ZNF469: variants seen among roughly 807,000 people sequenced by gnomAD.
The protein encoded by ZNF469 is zinc finger protein 469.
A neutral mutation model predicts 1.0 loss-of-function variants in ZNF469; 1 was observed. The ratio of observed to expected loss-of-function variants is 1.00; its 90% CI spans 0.35 to 4.73. The LOEUF (loss-of-function observed/expected upper bound fraction) is 4.73, where lower values mean the gene tolerates loss of function less well. Ranked by LOEUF, ZNF469 falls within the 30% of genes most tolerant of loss-of-function variation. The pLI, the probability that ZNF469 is intolerant of heterozygous loss-of-function variation, is 0.16. For synonymous variants in ZNF469, 2,703 were observed against 2,363.4 expected (o/e 1.14, Z -4.17); for missense variants, 6,100 against 5,356.3 (o/e 1.14, Z -4.33).
chr16:88,245,188 G>A, the ZNF469 span, among the ~76,000 whole-genome samples: 1 of 152,216 alleles, frequency 6.6e-6, no homozygotes, highest in South Asian at 2.1e-4. Flanking sequence ...TGATGAAGAT[G>A]TCTCAGCAGA....
chr16:88,188,766 C>T, the ZNF469 span, among the ~76,000 whole-genome samples: 2 of 152,188 alleles, frequency 1.3e-5, no homozygotes, highest in African/African-American at 4.8e-5. Flanking sequence ...GCAGACCCTC[C>T]CCCTGCCCAG....
the ZNF469 span, among the ~76,000 whole-genome samples, chr16:88,354,381 C>A: frequency 6.6e-6 from 1 of 152,144 alleles, no homozygotes; most frequent in African/African-American, 2.4e-5. Context: ...CTCTGGAACC[C>A]GGGACGCAGG....
At chr16:88,127,251 C>G in the ZNF469 span, among the ~76,000 whole-genome samples, 1 of 152,108 alleles carries the variant, frequency 6.6e-6, no homozygotes, top group East Asian at 1.9e-4. Context: ...CCTCATAACA[C>G]AGATGGGAAA....
At chr16:88,107,072 G>A in the ZNF469 span, among the ~76,000 whole-genome samples, 18,585 of 152,176 alleles carry the variant, frequency 0.12, 1,386 homozygotes, top group East Asian at 0.31. Context: ...GGGGGTCTGC[G>A]TGCCTCGGCT....
the ZNF469 span, among the ~76,000 whole-genome samples, chr16:88,103,060 G>A: frequency 1.3e-5 from 2 of 152,272 alleles, no homozygotes; most frequent in Non-Finnish European, 2.9e-5. Flanking sequence ...TTAACACCAA[G>A]AATGGGGCCG....
the ZNF469 span, among the ~76,000 whole-genome samples, chr16:88,205,566 G>T: frequency 1.3e-5 from 2 of 152,230 alleles, no homozygotes; most frequent in African/African-American, 4.8e-5. The surrounding 1 kb of genome is among the most constrained non-coding windows in gnomAD (Gnocchi z 4.2). Context: ...GGAATGAACA[G>T]TTTCGGGGTG....
At chr16:88,261,992 C>G in the ZNF469 span, among the ~76,000 whole-genome samples, 2 of 152,174 alleles carry the variant, frequency 1.3e-5, no homozygotes, top group Admixed American at 6.5e-5. This position sits in a 1 kb window ranked among gnomAD's most constrained non-coding sequence, Gnocchi z 6.0. Context: ...GCCTCCTCTC[C>G]CTCCCACCAT....
chr16:88,138,509 A>G, the ZNF469 span, among the ~76,000 whole-genome samples: 1 of 152,262 alleles, frequency 6.6e-6, no homozygotes, highest in Non-Finnish European at 1.5e-5. Flanking sequence ...TGAATAGTAG[A>G]AAAGTCATCT....
the ZNF469 span, among the ~76,000 whole-genome samples, chr16:88,169,107 G>A: frequency 6.6e-6 from 1 of 152,126 alleles, no homozygotes; most frequent in Non-Finnish European, 1.5e-5. This position sits in a 1 kb window ranked among gnomAD's most constrained non-coding sequence, Gnocchi z 6.1. Context: ...GTGCAGCTGT[G>A]GGTGGGAGGG....
the ZNF469 span, among the ~76,000 whole-genome samples, chr16:88,279,947 G>A: frequency 6.6e-6 from 1 of 150,818 alleles, no homozygotes; most frequent in African/African-American, 2.4e-5. Flanking sequence ...TGCACGGTTA[G>A]TGCTGCGCCA....
chr16:88,229,520 G>C, the ZNF469 span, among the ~76,000 whole-genome samples: 11 of 144,566 alleles, frequency 7.6e-5, no homozygotes, highest in African/African-American at 2.6e-4. Context: ...ATGAATGTGT[G>C]CGTGTGTGCT....
At chr16:88,107,308 A>G in the ZNF469 span, among the ~76,000 whole-genome samples, 1 of 152,258 alleles carries the variant, frequency 6.6e-6, no homozygotes, top group Admixed American at 6.5e-5. Context: ...AGGCCTCAGG[A>G]AACTGACAAT....
the ZNF469 span, among the ~76,000 whole-genome samples, chr16:88,150,368 T>G: frequency 1.3e-5 from 2 of 152,186 alleles, no homozygotes; most frequent in Non-Finnish European, 2.9e-5. Flanking sequence ...AAAATCAATT[T>G]AGAGCCATTT....
chr16:88,223,929 T>C, the ZNF469 span, among the ~76,000 whole-genome samples: 1 of 152,228 alleles, frequency 6.6e-6, no homozygotes. Context: ...GGGGCCCCCA[T>C]GAACATGTGC....
In ZNF469 at chr16:88,436,866, G is replaced by C; in HGVS notation, c.9396G>C (p.Leu3132=). Residue 3132 remains leucine (L), a synonymous_variant, in exon 3 of 3, where the codon CTG becomes CTC. Transcript: ENST00000565624. ...TCCGCAGCCTGGGCGAGCTGGACCT[G>C]CACAAGCTGGCCCACACGCCCGCGC... ...QRFRSLGELD[L]HKLAHTPAPP... is the part of the protein sequence containing the mutation. 6.6e-7 allele frequency: 1 copy of C among 1,522,248 alleles called. No individual in the cohort carries two copies. The highest frequency in any genetic ancestry group is 8.8e-7 in the Non-Finnish European group (1 of 1,137,372). 94.3% of individuals were successfully genotyped at this position (1,522,248 alleles called of 1,614,324 possible). A position where few individuals can be genotyped will look rare whatever the true frequency, so the allele number is the denominator to read the frequency against.
chr16:88,295,917 G>A, the ZNF469 span, among the ~76,000 whole-genome samples: 2 of 152,190 alleles, frequency 1.3e-5, no homozygotes, highest in African/African-American at 2.4e-5. Context: ...AATATGGAAG[G>A]CAGCTGGCAC....
chr16:88,292,664 C>T, the ZNF469 span, among the ~76,000 whole-genome samples: 4 of 152,042 alleles, frequency 2.6e-5, no homozygotes, highest in Non-Finnish European at 5.9e-5. Flanking sequence ...GTGGCCTTGA[C>T]TGGAAAAGTC....
At chr16:88,407,090 C>A (rs999285219) in intron 1 of ZNF469, among the ~76,000 whole-genome samples, 2 of 126,198 alleles carry the variant, frequency 1.6e-5, no homozygotes, top group South Asian at 4.6e-4. Context: ...CGCACCTGGG[C>A]CTTTGCTCTT....
chr16:88,111,209 A>G, the ZNF469 span, among the ~76,000 whole-genome samples: 4 of 152,048 alleles, frequency 2.6e-5, no homozygotes, highest in African/African-American at 7.3e-5. Flanking sequence ...TTGAACTAAA[A>G]CCACTCCCCG....
Sources: allele counts gnomAD v4.1 joint callset (sites outside exome capture counted in the v4.1 genomes callset), GRCh38; gene constraint gnomAD v4.1.1; non-coding constraint Gnocchi (gnomAD v3.1); transcripts MANE v1.5; gene names NCBI Gene and HGNC (gene_info 2026-07-23, HGNC 2026-07-21).